The following HDAC4 variants were observed in gnomAD, a reference collection of about 807,000 sequenced individuals.
The protein encoded by HDAC4 is histone deacetylase 4.
In HDAC4, 16 loss-of-function variants were observed where a neutral mutation model predicts 135.1. The observed-to-expected ratio is 0.12, with a 90% CI of 0.08 to 0.18. The LOEUF (loss-of-function observed/expected upper bound fraction) is 0.18. HDAC4 is among the 10% of genes least tolerant of loss of function. HDAC4 has a pLI of 1.00. For synonymous variants in HDAC4, 685 were observed against 653.4 expected (o/e 1.05, Z -0.74); for missense variants, 1,143 against 1,511.8 (o/e 0.76, Z 4.05).
intron 2 of HDAC4, among the ~76,000 whole-genome samples, chr2:239,340,731 G>A (rs2017669): frequency 0.18 from 27,604 of 152,068 alleles, 3,956 homozygotes; most frequent in East Asian, 0.42. Context: ...AGGGCTCCCC[G>A]TGCTGAGGGC....
At chr2:239,162,128 C>A (rs749548199) in intron 6 of HDAC4, 8 of 456,666 alleles carry the variant, frequency 1.8e-5, no homozygotes, top group African/African-American at 4.0e-5. Flanking sequence ...TTCCCAGCAG[C>A]CCCACTGCTC....
At chr2:239,357,888 CAAAAAAAAAAAAAAAA>C (rs71043188) in intron 1 of HDAC4, among the ~76,000 whole-genome samples, 2,519 of 55,840 alleles carry the variant, frequency 0.045, 84 homozygotes, top group East Asian at 0.25. Context: ...GCCTCTGTTC[CAAAAAAAAAAAAAAAA>C]AAAAAAAAAA....
At chr2:239,369,188 G>A (rs771420059) in intron 1 of HDAC4, among the ~76,000 whole-genome samples, 6 of 152,170 alleles carry the variant, frequency 3.9e-5, no homozygotes, top group Non-Finnish European at 5.9e-5. Context: ...GCCAACAAGC[G>A]GGAAGGAAGA....
chr2:239,078,285 T>G (rs1224680044), intron 22 of HDAC4, among the ~76,000 whole-genome samples: 1 of 152,224 alleles, frequency 6.6e-6, no homozygotes, highest in Non-Finnish European at 1.5e-5. Flanking sequence ...GCTTCTGGAT[T>G]TCATTAGGGG....
At chr2:239,368,190 G>T (rs1694353252) in intron 1 of HDAC4, among the ~76,000 whole-genome samples, 1 of 152,148 alleles carries the variant, frequency 6.6e-6, no homozygotes, top group Non-Finnish European at 1.5e-5. Flanking sequence ...TTGCAGGAGT[G>T]TGAAGGGCTC....
intron 1 of HDAC4, among the ~76,000 whole-genome samples, chr2:239,367,872 G>A (rs1024045405): frequency 2.0e-5 from 3 of 152,088 alleles, no homozygotes; most frequent in African/African-American, 7.2e-5. Flanking sequence ...TACTCGGGAG[G>A]GAGGCTGAGG....
chr2:239,082,083 C>T lies in HDAC4; in HGVS notation c.2652+19G>A. ...GCAGTCCCCCTTTCCCCCCAGAGGC[C>T]CTTATATACCCCACCTACCTCATCA... On this transcript the variant is annotated intron_variant, in intron 21 of 26. Transcript: ENST00000543185. 1 of 1,613,780 alleles carries T rather than the reference C, an allele frequency of 6.2e-7. No homozygotes were observed. The highest frequency in any genetic ancestry group is 8.5e-7 in the Non-Finnish European group (1 of 1,179,854).
At chr2:239,373,607 G>A (rs569111031) in intron 1 of HDAC4, among the ~76,000 whole-genome samples, 6 of 152,202 alleles carry the variant, frequency 3.9e-5, no homozygotes, top group African/African-American at 1.4e-4. Context: ...GGGATTACAG[G>A]CGTGCACCAC....
At position 239,303,476 on chromosome 2, in the gene HDAC4, G is replaced by A. The variant is rs2052388884; in HGVS notation, c.22+49202C>T. Among the ~76,000 whole-genome samples the A allele has an allele frequency of 6.6e-6, 1 of 152,088 alleles. No individual in the cohort carries two copies. Among genetic ancestry groups the A allele is most frequent in the Admixed American group, 6.5e-5 (1 of 15,276 alleles). On this transcript the variant is annotated intron_variant, in intron 2 of 26. Transcript: ENST00000543185. The surrounding 1 kb of genome is among the most constrained non-coding windows in gnomAD (Gnocchi z 5.1). ...AGCGTCACAAGCACCCCACGAACAA[G>A]ACACGGCAGCGTGCTTCCTCGATCT...
intron 2 of HDAC4, among the ~76,000 whole-genome samples, chr2:239,329,826 G>A (rs79312364): frequency 0.027 from 4,151 of 152,132 alleles, 71 homozygotes; most frequent in South Asian, 0.044. Context: ...GGATCTTCAC[G>A]ACAACCCTAT....
chr2:239,133,532 T>C (rs2040740256), intron 11 of HDAC4, among the ~76,000 whole-genome samples: 2 of 152,198 alleles, frequency 1.3e-5, no homozygotes, highest in Non-Finnish European at 2.9e-5. Flanking sequence ...AGTGCCACCA[T>C]CTCGGGTCAC....
intron 2 of HDAC4, among the ~76,000 whole-genome samples, chr2:239,277,535 T>C (rs1451500463): frequency 6.6e-6 from 1 of 152,150 alleles, no homozygotes; most frequent in Non-Finnish European, 1.5e-5. Flanking sequence ...TCATCACACG[T>C]TCTGTACTCC....
At chr2:239,144,909 T>C (rs1369003334) in intron 7 of HDAC4, among the ~76,000 whole-genome samples, 195 bp from the exon 8 acceptor site, 2 of 152,136 alleles carry the variant, frequency 1.3e-5, no homozygotes, top group Non-Finnish European at 2.9e-5. Flanking sequence ...AAATAATGAA[T>C]AAAACGAATC....
At chr2:239,100,813 G>A (rs1445188009) in intron 16 of HDAC4, among the ~76,000 whole-genome samples, 4 of 152,106 alleles carry the variant, frequency 2.6e-5, no homozygotes, top group Non-Finnish European at 4.4e-5. Context: ...GAGGGGTAGG[G>A]GCTTGGCATC....
chr2:239,370,649 C>T (rs1217906667), intron 1 of HDAC4, among the ~76,000 whole-genome samples: 4 of 152,304 alleles, frequency 2.6e-5, no homozygotes, highest in Admixed American at 6.5e-5. Flanking sequence ...CAGCGGCCTC[C>T]GGGAGAGCAG....
chr2:239,082,251 C>CT lies in HDAC4; in HGVS notation c.2533-31dup, dbSNP rs1298515506. On this transcript the variant is annotated intron_variant, in intron 20 of 26. Transcript: ENST00000543185. ...AAGAGCAGGGACAACTACTTCAGGG[C>CT]TGAGGCAGGTATTGGAGGGTGGCCT... 4 of 1,614,112 alleles carry CT rather than the reference C, an allele frequency of 2.5e-6. No individual in the cohort carries two copies. In the South Asian group the frequency reaches 4.4e-5, roughly 18 times the overall value.
At chr2:239,346,354 TACAC>T (rs977135652) in intron 2 of HDAC4, among the ~76,000 whole-genome samples, 1 of 144,756 alleles carries the variant, frequency 6.9e-6, no homozygotes, top group Non-Finnish European at 1.5e-5. Context: ...AAAACACACA[TACAC>T]ACATCTTAAC....
At chr2:239,235,768 G>A (rs560510476) in intron 3 of HDAC4, among the ~76,000 whole-genome samples, 8 of 152,334 alleles carry the variant, frequency 5.3e-5, no homozygotes, top group African/African-American at 1.4e-4. Context: ...GGCTGGGCGC[G>A]GTGGCTCACG....
Position 239,094,836 on chromosome 2 carries a change from C to T in HDAC4, c.2280+174G>A, listed in dbSNP as rs781653131. 120 of 1,511,472 alleles carry T rather than the reference C, an allele frequency of 7.9e-5. No individual in the cohort carries two copies. The Middle Eastern group carries it at 1.4e-3, about 18-fold the overall frequency. 93.6% of individuals were successfully genotyped at this position (1,511,472 alleles called of 1,614,324 possible). On this transcript the variant is annotated intron_variant, in intron 17 of 26. Transcript: ENST00000543185. ...CCCCAGAGAAAGGTGCCCGAGTCGG[C>T]GATCAAAACGCTCTCGGCTCACACG...
Sources: gnomAD v4.1 joint callset for allele counts (sites outside exome capture counted in the v4.1 genomes callset) on GRCh38, gnomAD v4.1.1 for gene constraint, Gnocchi (gnomAD v3.1) non-coding constraint, MANE v1.5 for transcripts, NCBI Gene and HGNC (gene_info 2026-07-23, HGNC 2026-07-21) for gene names.